Variants in ARHGEF10L observed in about 807,000 individuals in gnomAD.
The protein encoded by ARHGEF10L is Rho guanine nucleotide exchange factor 10 like.
A neutral mutation model predicts 141.2 loss-of-function variants in ARHGEF10L; 69 were observed. That is an observed-to-expected ratio of 0.49 (90% CI 0.40 to 0.60). The LOEUF (loss-of-function observed/expected upper bound fraction) is 0.60, where lower values mean the gene tolerates loss of function less well. Ranked by LOEUF, ARHGEF10L falls within the 20% of genes least tolerant of loss-of-function variation. ARHGEF10L has a pLI of 0.00. For missense variants in ARHGEF10L, 1,482 were observed against 1,734.3 expected, an observed-to-expected ratio of 0.85 and a Z score of 2.58; for synonymous variants, 711 against 718.5, an observed-to-expected ratio of 0.99 and a Z score of 0.17.
chr1:17,592,683 G>A lies in ARHGEF10L; in HGVS notation c.257+4204G>A, dbSNP rs528836713. Among the ~76,000 whole-genome samples, 26 of 152,278 alleles carry A rather than the reference G, an allele frequency of 1.7e-4. No homozygotes were observed. The East Asian group carries it at 4.3e-3, about 25-fold the overall frequency. ...AGGTCAGCAAGGCCGGAGTGGGTCC[G>A]CAGCGTCTGGAGGAAATCTTCAAGA... On this transcript the variant is annotated intron_variant, in intron 4 of 28. Coordinates refer to ENST00000361221, the MANE Select transcript of ARHGEF10L (RefSeq NM_018125.4).
At chr1:17,587,200 T>A (rs138513639) in intron 2 of ARHGEF10L, among the ~76,000 whole-genome samples, 1,578 of 152,256 alleles carry the variant, frequency 0.01, 28 homozygotes, top group African/African-American at 0.036. Flanking sequence ...TACATTGAAG[T>A]ACTGAGGTGC....
At position 17,616,325 on chromosome 1, in the gene ARHGEF10L, C is replaced by T. The variant is rs773820622; in HGVS notation, c.835+123C>T. ...GGGTACCACTTGGCGTATGGTTCCT[C>T]TGGTGGTGGGGGTTGGGGGCTGAGT... On this transcript the variant is annotated intron_variant, in intron 9 of 28. Transcript: ENST00000361221. The T allele has an allele frequency of 5.5e-5, 44 of 806,528 alleles. 1 individual carries two copies. Among genetic ancestry groups the T allele is most frequent in the Non-Finnish European group, 8.4e-5 (42 of 498,058 alleles). The allele number at this position is 806,528 out of a possible 1,614,324, so 50.0% of individuals were successfully genotyped here.
intron 16 of ARHGEF10L, among the ~76,000 whole-genome samples, chr1:17,633,177 GC>G (rs955994083): frequency 1.3e-5 from 2 of 152,188 alleles, no homozygotes; most frequent in Admixed American, 1.3e-4. Flanking sequence ...TGGGGCTTGG[GC>G]CCTGCCATTC....
chr1:17,540,582 TC>T (rs570486739), intron 1 of ARHGEF10L, among the ~76,000 whole-genome samples: 82 of 152,220 alleles, frequency 5.4e-4, no homozygotes, highest in African/African-American at 1.9e-3. Flanking sequence ...TGGGATGGCC[TC>T]CGAGAGGGAG....
chr1:17,620,374 C>T (rs1012947665), intron 10 of ARHGEF10L, among the ~76,000 whole-genome samples: 2 of 152,136 alleles, frequency 1.3e-5, no homozygotes, highest in Non-Finnish European at 2.9e-5. Context: ...GGCCACTGAG[C>T]AGGATGTGTT....
intron 26 of ARHGEF10L, among the ~76,000 whole-genome samples, chr1:17,667,618 T>A (rs1571396140): frequency 6.6e-6 from 1 of 151,814 alleles, no homozygotes; most frequent in Non-Finnish European, 1.5e-5. Context: ...CTGAGAGGGG[T>A]TTCCAAGGAA....
intron 10 of ARHGEF10L, among the ~76,000 whole-genome samples, chr1:17,620,619 G>A (rs1227692789): frequency 1.3e-5 from 2 of 152,160 alleles, no homozygotes; most frequent in Non-Finnish European, 2.9e-5. Context: ...GTGGGAAGAT[G>A]GGAGAAGAGC....
intron 26 of ARHGEF10L, among the ~76,000 whole-genome samples, chr1:17,668,598 C>T (rs762279445): frequency 1.3e-5 from 2 of 152,134 alleles, no homozygotes; most frequent in Non-Finnish European, 2.9e-5. Context: ...TTGCACACCT[C>T]GGGGGCATCA....
rs1309367516 is a variant in ARHGEF10L at position 17,639,442 on chromosome 1, A to C, written c.2171+753A>C. ...GCTGCAAGGAAGAGAAGGTTGGAGCACTATCATTTGAGGTAGGACCATGGG... is the reference window on the plus strand; with the variant it reads ...GCTGCAAGGAAGAGAAGGTTGGAGCCCTATCATTTGAGGTAGGACCATGGG... On this transcript the variant is annotated intron_variant, in intron 20 of 28. Transcript: ENST00000361221. The surrounding 1 kb of genome is among the most constrained non-coding windows in gnomAD (Gnocchi z 4.3). Among the ~76,000 whole-genome samples, 3 of 152,316 alleles carry C rather than the reference A, an allele frequency of 2.0e-5. No homozygotes were observed. Among genetic ancestry groups the C allele is most frequent in the Non-Finnish European group, 4.4e-5 (3 of 68,022 alleles).
At chr1:17,517,491 T>C in the ARHGEF10L span, among the ~76,000 whole-genome samples, 10 of 151,692 alleles carry the variant, frequency 6.6e-5, no homozygotes, top group Admixed American at 4.0e-4. Context: ...GCCTGGCTAG[T>C]TTTTGTAGAG....
chr1:17,629,709 C>T (rs1017430836), intron 15 of ARHGEF10L, among the ~76,000 whole-genome samples: 1 of 152,182 alleles, frequency 6.6e-6, no homozygotes, highest in Non-Finnish European at 1.5e-5. Context: ...ACTCAGCCAT[C>T]CCCCACACAA....
the ARHGEF10L span, among the ~76,000 whole-genome samples, chr1:17,518,478 G>T: frequency 6.6e-6 from 1 of 152,048 alleles, no homozygotes; most frequent in Non-Finnish European, 1.5e-5. Context: ...AAGATCTGGG[G>T]GTAATCAAAA....
chr1:17,638,012 C>T lies in ARHGEF10L; in HGVS notation c.2043+9C>T, dbSNP rs1443056092. 6.4e-7 allele frequency: 1 copy of T among 1,565,932 alleles called. No individual in the cohort carries two copies. Among genetic ancestry groups the T allele is most frequent in the Non-Finnish European group, 8.7e-7 (1 of 1,154,522 alleles). On this transcript the variant is annotated intron_variant, in intron 19 of 28. Coordinates refer to ENST00000361221, the MANE Select transcript of ARHGEF10L (RefSeq NM_018125.4). Reference sequence around the variant, plus strand: ...TGCACGGCACCTACCAGGTACGTGGCCTGGCCTGACCTTTTTGGCCTGAGC... The same window carrying T: ...TGCACGGCACCTACCAGGTACGTGGTCTGGCCTGACCTTTTTGGCCTGAGC...
Position 17,591,469 on chromosome 1 carries a change from T to A in ARHGEF10L, c.257+2990T>A, listed in dbSNP as rs900538737. ...TCTTGTTGCCCAGGCTGGAGTGTGG[T>A]GGCGCCATCTCGGCTCACTGCAACC... On this transcript the variant is annotated intron_variant, in intron 4 of 28. Transcript: ENST00000361221. 3.3e-5 allele frequency among the ~76,000 whole-genome samples: 5 copies of A among 149,678 alleles called. No individual in the cohort carries two copies. The South Asian group carries it at 1.1e-3, about 32-fold the overall frequency.
At chr1:17,556,600 C>T (rs1035059948) in intron 1 of ARHGEF10L, among the ~76,000 whole-genome samples, 4 of 152,244 alleles carry the variant, frequency 2.6e-5, no homozygotes, top group East Asian at 1.9e-4. Flanking sequence ...GCAGTGTGTG[C>T]GAAGGTGCTG....
At chr1:17,546,684 C>A (rs536115358) in intron 1 of ARHGEF10L, among the ~76,000 whole-genome samples, 28 of 152,074 alleles carry the variant, frequency 1.8e-4, no homozygotes, top group African/African-American at 6.5e-4. Context: ...TTTCTTAGTT[C>A]GGAGTTAATG....
At chr1:17,515,652 C>CT in the ARHGEF10L span, among the ~76,000 whole-genome samples, 8 of 150,946 alleles carry the variant, frequency 5.3e-5, no homozygotes, top group Admixed American at 2.0e-4. Flanking sequence ...TTTTTCTTTT[C>CT]TTTTTTTTGA....
chr1:17,553,476 C>A (rs903604836), intron 1 of ARHGEF10L, among the ~76,000 whole-genome samples: 1 of 152,158 alleles, frequency 6.6e-6, no homozygotes, highest in African/African-American at 2.4e-5. Flanking sequence ...ATTCAGTGAA[C>A]CCTCTATAGT....
At position 17,607,815 on chromosome 1, in the gene ARHGEF10L, C is replaced by A. The variant is rs750187607; in HGVS notation, c.447C>A (p.Asn149Lys). 10 of 1,584,828 alleles carry A rather than the reference C, an allele frequency of 6.3e-6. No individual in the cohort carries two copies. Among genetic ancestry groups the A allele is most frequent in the African/African-American group, 2.8e-5 (2 of 72,644 alleles). The change falls in exon 7 of 29, where the codon AAC becomes AAA. Residue 149 changes from asparagine to lysine, a missense_variant. Transcript: ENST00000361221. The surrounding 1 kb of genome is among the most constrained non-coding windows in gnomAD (Gnocchi z 4.5). ...PDAHQPGAERNLLYEDAHRAG... is the reference protein window; with the variant it reads ...PDAHQPGAERKLLYEDAHRAG... ...CTTGGCCAGCAGGGGCAGAGAGGAACCTGCTCTACGAGGATGCGCACCGGG... is the reference window on the plus strand; with the variant it reads ...CTTGGCCAGCAGGGGCAGAGAGGAAACTGCTCTACGAGGATGCGCACCGGG...
Sources: gnomAD v4.1 joint callset for allele counts (sites outside exome capture counted in the v4.1 genomes callset) on GRCh38, gnomAD v4.1.1 for gene constraint, Gnocchi (gnomAD v3.1) non-coding constraint, MANE v1.5 for transcripts, NCBI Gene and HGNC (gene_info 2026-07-23, HGNC 2026-07-21) for gene names.